The following CRIM1 variants were observed in gnomAD, a reference collection of about 807,000 sequenced individuals.
CRIM1 encodes the protein cysteine rich transmembrane BMP regulator 1, also known as cysteine-rich motor neuron 1 protein.
In CRIM1, 32 loss-of-function variants were observed where a neutral mutation model predicts 116.4. That is an observed-to-expected ratio of 0.27 (90% CI 0.21 to 0.37). CRIM1 has a LOEUF of 0.37. Among genes scored for constraint, CRIM1 ranks in the 10% least tolerant of loss-of-function variants. The pLI, the probability that CRIM1 is intolerant of heterozygous loss-of-function variation, is 1.00. For missense variants in CRIM1, 1,331 were observed against 1,354.8 expected (o/e 0.98, Z 0.28); for synonymous variants, 590 against 509.2 (o/e 1.16, Z -2.13).
chr2:36,522,817 A>C (rs577714889), intron 13 of CRIM1, among the ~76,000 whole-genome samples: 2 of 140,852 alleles, frequency 1.4e-5, no homozygotes, highest in South Asian at 2.3e-4. Context: ...AAAAAAAAAG[A>C]AGAAGAAGAA....
rs1249300799 is a variant in CRIM1, at chr2:36,548,694, C to A, written c.3104C>A (p.Thr1035Lys). The stretch of plus-strand genomic sequence containing the variant: ...CTACAGGCAGACAATTTCTACCAAA[C>A]AGTGTGAAGAAAGGCAACTAGGATG... ...NHLQADNFYQTV is the reference protein window; with the variant it reads ...NHLQADNFYQKV Residue 1035 changes from threonine to lysine, a missense_variant, in exon 17 of 17, where the codon ACA becomes AAA. By Grantham distance (78) the Thr-to-Lys change is moderately conservative. Coordinates refer to ENST00000280527, the MANE Select transcript of CRIM1 (RefSeq NM_016441.3). 6.3e-7 allele frequency: 1 copy of A among 1,585,770 alleles called. No homozygotes were observed. Among genetic ancestry groups the A allele is most frequent in the Admixed American group, 1.9e-5 (1 of 52,100 alleles).
chr2:36,465,856 A>G (rs1033041578), intron 5 of CRIM1, among the ~76,000 whole-genome samples: 1 of 151,764 alleles, frequency 6.6e-6, no homozygotes. Flanking sequence ...ACTACCTTGA[A>G]TTTTGCCTCA....
intron 7 of CRIM1, among the ~76,000 whole-genome samples, chr2:36,486,780 C>T (rs1303514384): frequency 2.6e-5 from 4 of 152,158 alleles, no homozygotes. Context: ...GGCAGGAAAA[C>T]ATAGTCTGGA....
At chr2:36,424,101 A>C (rs759919700) in intron 2 of CRIM1, among the ~76,000 whole-genome samples, 9 of 152,228 alleles carry the variant, frequency 5.9e-5, no homozygotes, top group Non-Finnish European at 8.8e-5. Context: ...AAGGAAACAA[A>C]AATGTATGAA....
chr2:36,472,537 C>G (rs1307990114), intron 5 of CRIM1, among the ~76,000 whole-genome samples: 1 of 152,114 alleles, frequency 6.6e-6, no homozygotes, highest in East Asian at 1.9e-4. Flanking sequence ...TCAGTCCCAT[C>G]CCCTCCTGCT....
chr2:36,509,290 G>A (rs1290711952), intron 8 of CRIM1, among the ~76,000 whole-genome samples: 1 of 152,208 alleles, frequency 6.6e-6, no homozygotes, highest in East Asian at 1.9e-4. Flanking sequence ...GCTGACACTG[G>A]CGGATCACTT....
intron 2 of CRIM1, among the ~76,000 whole-genome samples, chr2:36,413,048 G>A (rs770054070): frequency 7.9e-5 from 12 of 152,266 alleles, no homozygotes; most frequent in African/African-American, 2.2e-4. Flanking sequence ...ATGGGCTTAC[G>A]AATGACTTTA....
chr2:36,368,479 C>T (rs1669741175), intron 1 of CRIM1, among the ~76,000 whole-genome samples: 2 of 152,210 alleles, frequency 1.3e-5, no homozygotes, highest in African/African-American at 2.4e-5. Flanking sequence ...TATGAACCTG[C>T]GGCTCTAAAA....
chr2:36,491,503 A>G (rs1447598304), intron 7 of CRIM1, among the ~76,000 whole-genome samples: 1 of 152,204 alleles, frequency 6.6e-6, no homozygotes, highest in Non-Finnish European at 1.5e-5. Flanking sequence ...AAGTTAGAAA[A>G]TTAGAGATAC....
At chr2:36,522,825 G>C (rs1284648387) in intron 13 of CRIM1, among the ~76,000 whole-genome samples, 4 of 148,028 alleles carry the variant, frequency 2.7e-5, no homozygotes, top group Non-Finnish European at 6.0e-5. Context: ...AGAAGAAGAA[G>C]AAGAAGGAGA....
chr2:36,434,786 G>T (rs1309683350), intron 2 of CRIM1, among the ~76,000 whole-genome samples: 4 of 152,200 alleles, frequency 2.6e-5, no homozygotes, highest in Non-Finnish European at 5.9e-5. Context: ...TAATAATCAT[G>T]AAGTCTGTTT....
intron 5 of CRIM1, among the ~76,000 whole-genome samples, chr2:36,466,010 C>G (rs1305764051): frequency 3.3e-5 from 5 of 151,666 alleles, no homozygotes; most frequent in Non-Finnish European, 5.9e-5. Context: ...CTCAGCCTCC[C>G]AAGTAGCTGG....
intron 4 of CRIM1, among the ~76,000 whole-genome samples, chr2:36,454,047 A>G (rs1464643307): frequency 6.6e-6 from 1 of 152,154 alleles, no homozygotes; most frequent in Non-Finnish European, 1.5e-5. Context: ...TTACTTGTTT[A>G]AGGTGTTTTG....
chr2:36,514,055 A>T (rs1664874724), intron 11 of CRIM1, among the ~76,000 whole-genome samples: 1 of 152,184 alleles, frequency 6.6e-6, no homozygotes, highest in Non-Finnish European at 1.5e-5. Context: ...TTGTGGGCTG[A>T]TGTTCTTACA....
intron 5 of CRIM1, among the ~76,000 whole-genome samples, chr2:36,475,303 C>T (rs1012921487): frequency 6.6e-6 from 1 of 152,076 alleles, no homozygotes; most frequent in Non-Finnish European, 1.5e-5. Flanking sequence ...CAAGTTTGTA[C>T]TTATGTTATT....
chr2:36,462,893 A>C (rs1287281579), intron 4 of CRIM1, among the ~76,000 whole-genome samples: 1 of 152,178 alleles, frequency 6.6e-6, no homozygotes, highest in Non-Finnish European at 1.5e-5. Context: ...GTATGGGATG[A>C]CCTTATCAGG....
intron 1 of CRIM1, among the ~76,000 whole-genome samples, chr2:36,392,142 T>A (rs897198952): frequency 7.9e-5 from 12 of 152,320 alleles, no homozygotes; most frequent in Admixed American, 2.0e-4. Flanking sequence ...AACATCCAAG[T>A]GGAAGTGTTG....
Position 36,398,750 on chromosome 2 carries a change from A to G in CRIM1, c.505+1963A>G, listed in dbSNP as rs3755216. Among the ~76,000 whole-genome samples, 14 of 152,370 alleles carry G rather than the reference A, an allele frequency of 9.2e-5. No homozygotes were observed. In the East Asian group the frequency reaches 9.6e-4, roughly 10 times the overall value. On this transcript the variant is annotated intron_variant, in intron 2 of 16. Coordinates refer to ENST00000280527, the MANE Select transcript of CRIM1 (RefSeq NM_016441.3). Reference sequence around the variant, plus strand: ...AATAAAGTACCAGGCAGTATGTGAGATCTTGTAAGAAGTCAGGATTAGGGG... The same window carrying G: ...AATAAAGTACCAGGCAGTATGTGAGGTCTTGTAAGAAGTCAGGATTAGGGG...
chr2:36,364,369 TA>T (rs1198016649), intron 1 of CRIM1, among the ~76,000 whole-genome samples: 1 of 152,178 alleles, frequency 6.6e-6, no homozygotes, highest in African/African-American at 2.4e-5. Flanking sequence ...TCAGCCAAAA[TA>T]AATAAGATAT....
Sources: gnomAD v4.1 joint callset for allele counts (sites outside exome capture counted in the v4.1 genomes callset) on GRCh38, gnomAD v4.1.1 for gene constraint, MANE v1.5 for transcripts, NCBI Gene and HGNC (gene_info 2026-07-23, HGNC 2026-07-21) for gene names.